DDB1: variants seen among roughly 807,000 people sequenced by gnomAD.
DDB1 encodes the protein damage specific DNA binding protein 1.
DDB1 carries 18 observed loss-of-function variants against 133.1 expected under a neutral mutation model. That is an observed-to-expected ratio of 0.14 (90% CI 0.09 to 0.20). The LOEUF is 0.20. DDB1 is among the 10% of genes least tolerant of loss of function. The pLI, the probability that DDB1 is intolerant of heterozygous loss-of-function variation, is 1.00. For synonymous variants in DDB1, 580 were observed against 550.5 expected (o/e 1.05, Z -0.75); for missense variants, 828 against 1,459.2 (o/e 0.57, Z 7.05).
chr11:61,330,128 C>A lies in DDB1; in HGVS notation c.211-54G>T. 2.1e-6 allele frequency: 3 copies of A among 1,444,018 alleles called. No individual in the cohort carries two copies. In the South Asian group the frequency reaches 3.5e-5, roughly 17 times the overall value. 89.5% of individuals were successfully genotyped at this position (1,444,018 alleles called of 1,614,324 possible). On this transcript the variant is annotated intron_variant, in intron 2 of 26. Coordinates refer to ENST00000301764, the MANE Select transcript of DDB1 (RefSeq NM_001923.5). Reference sequence around the variant, plus strand: ...AGGTTCTTTTTAAAACAGGAACAACCTGTCCAGTCTTTAAGCACACCAAAT... The same window carrying A: ...AGGTTCTTTTTAAAACAGGAACAACATGTCCAGTCTTTAAGCACACCAAAT...
chr11:61,326,996 C>T (rs1420894186), intron 4 of DDB1, 103 bp from the exon 5 acceptor site: 12 of 795,662 alleles, frequency 1.5e-5, no homozygotes, highest in Non-Finnish European at 2.6e-5. Flanking sequence ...ATCTGACAGT[C>T]CTGTCATGTC....
chr11:61,323,201 T>C (rs1856214252), intron 7 of DDB1, 107 bp from the exon 8 acceptor site: 1 of 861,544 alleles, frequency 1.2e-6, no homozygotes, highest in East Asian at 2.6e-5. Flanking sequence ...ACTGCAGCCA[T>C]AATTCAGAAC....
At chr11:61,300,509 C>T (rs1322277967) in intron 26 of DDB1, among the ~76,000 whole-genome samples, 1 of 152,230 alleles carries the variant, frequency 6.6e-6, no homozygotes, top group African/African-American at 2.4e-5. Flanking sequence ...CCTACGGGAT[C>T]CTGACCCTGC....
chr11:61,303,832 AG>A, intron 22 of DDB1, 32 bp downstream of exon 22: 1 of 1,610,736 alleles, frequency 6.2e-7, no homozygotes, highest in Non-Finnish European at 8.5e-7. Context: ...GGCTCAAGCA[AG>A]AAGTCTGCTC....
intron 6 of DDB1, among the ~76,000 whole-genome samples, chr11:61,324,899 G>A (rs1047634768): frequency 5.3e-5 from 8 of 152,018 alleles, no homozygotes; most frequent in Admixed American, 1.3e-4. Context: ...CTGTAATCCC[G>A]GCACTTTGGG....
rs763710669 is a variant in DDB1, at chr11:61,329,355, T to G, written c.549+8A>C. On this transcript the variant is annotated splice_region_variant and intron_variant, in intron 4 of 26. Coordinates refer to ENST00000301764, the MANE Select transcript of DDB1 (RefSeq NM_001923.5). ...ACAGTTTCTCGCTCTCTCTTCCTGATCCAGTACCTGGTAGACAAAGCAAAT... is the reference window on the plus strand; with the variant it reads ...ACAGTTTCTCGCTCTCTCTTCCTGAGCCAGTACCTGGTAGACAAAGCAAAT... The G allele has an allele frequency of 1.2e-6, 2 of 1,613,814 alleles. No homozygotes were observed. The highest frequency in any genetic ancestry group is 1.7e-6 in the Non-Finnish European group (2 of 1,179,750).
chr11:61,332,844 T>TCCCTAGGCCGCGGCTCCC, intron 1 of DDB1, 64 bp downstream of exon 1: 1 of 1,342,498 alleles, frequency 7.4e-7, no homozygotes, highest in Non-Finnish European at 9.7e-7. Context: ...GCGGCGGGCC[T>TCCCTAGGCCGCGGCTCCC]CCCTAGGCCG....
chr11:61,322,822 A>G (rs1285150397), intron 8 of DDB1, 189 bp downstream of exon 8: 1 of 596,240 alleles, frequency 1.7e-6, no homozygotes, highest in South Asian at 2.2e-5. Flanking sequence ...TTGCCTGGCA[A>G]ATTTGCTGAA....
At chr11:61,326,712 G>T in intron 5 of DDB1, 67 bp downstream of exon 5, 3 of 1,252,400 alleles carry the variant, frequency 2.4e-6, no homozygotes, top group Non-Finnish European at 3.5e-6. Context: ...GAAGGTGAGG[G>T]AGCGAACAAG....
Position 61,316,523 on chromosome 11 carries a change from T to G in DDB1, c.1270A>C (p.Thr424Pro). 6.2e-7 allele frequency: 1 copy of G among 1,614,114 alleles called. No homozygotes were observed. The highest frequency in any genetic ancestry group is 8.5e-7 in the Non-Finnish European group (1 of 1,180,026). Residue 424 changes from threonine to proline, a missense_variant, in exon 11 of 27, where the codon ACT becomes CCT. Transcript: ENST00000301764. Reference protein sequence around the residue: ...RSDPNRETDDTLVLSFVGQTR... With the variant: ...RSDPNRETDDPLVLSFVGQTR... Reference sequence around the variant, plus strand: ...TGGCCCACAAAAGAGAGCACCAAAGTGTCATCAGTCTCACGATTAGGGTCA... The same window carrying G: ...TGGCCCACAAAAGAGAGCACCAAAGGGTCATCAGTCTCACGATTAGGGTCA...
intron 25 of DDB1, chr11:61,302,042 A>C (rs949499509): frequency 2.2e-6 from 1 of 459,382 alleles, no homozygotes; most frequent in Non-Finnish European, 3.9e-6. Flanking sequence ...GGACCAGCGG[A>C]AGCTAGGTGA....
chr11:61,314,526 G>T, intron 12 of DDB1, 40 bp from the exon 13 acceptor site: 1 of 1,578,122 alleles, frequency 6.3e-7, no homozygotes, highest in East Asian at 2.2e-5. Flanking sequence ...CCAAGCATCT[G>T]CCAGGGTCCA....
intron 3 of DDB1, 88 bp downstream of exon 3, chr11:61,329,869 AG>A: frequency 8.9e-7 from 1 of 1,126,820 alleles, no homozygotes. Context: ...CTGATCGAAT[AG>A]AGAGCTGCCC....
chr11:61,322,198 T>C, intron 9 of DDB1, 98 bp downstream of exon 9: 1 of 951,812 alleles, frequency 1.1e-6, no homozygotes, highest in Non-Finnish European at 1.7e-6. Flanking sequence ...CTCTTAAAAG[T>C]ATTTTCAGTG....
chr11:61,327,641 CA>C (rs1856291611), intron 4 of DDB1: 1 of 152,190 alleles, frequency 6.6e-6, no homozygotes, highest in African/African-American at 2.4e-5. Context: ...CTAAAGTTGT[CA>C]AAACTTTCAG....
At chr11:61,305,485 G>A (rs561087139) in intron 21 of DDB1, among the ~76,000 whole-genome samples, 9 of 152,180 alleles carry the variant, frequency 5.9e-5, no homozygotes, top group Non-Finnish European at 8.8e-5. Flanking sequence ...CCAGCGTGGC[G>A]ACAGAGTGAG....
chr11:61,330,359 A>C, intron 2 of DDB1: 1 of 271,012 alleles, frequency 3.7e-6, no homozygotes, highest in Non-Finnish European at 6.9e-6. Context: ...AGCTAATCTC[A>C]ATCATCCCAT....
chr11:61,307,314 C>T (rs975376566), intron 21 of DDB1, among the ~76,000 whole-genome samples: 1 of 152,264 alleles, frequency 6.6e-6, no homozygotes, highest in Non-Finnish European at 1.5e-5. Context: ...CGACTGCAAT[C>T]AGGTTTCTAG....
At chr11:61,301,168 C>G in intron 25 of DDB1, 1 of 531,726 alleles carries the variant, frequency 1.9e-6, no homozygotes, top group Admixed American at 3.3e-5. Context: ...AAGTACAGAT[C>G]AGAGTCTATT....
Sources: allele counts gnomAD v4.1 joint callset (sites outside exome capture counted in the v4.1 genomes callset), GRCh38; gene constraint gnomAD v4.1.1; transcripts MANE v1.5; gene names NCBI Gene and HGNC (gene_info 2026-07-23, HGNC 2026-07-21).